The following NUP210L variants were observed in gnomAD, a reference collection of about 807,000 sequenced individuals.
The protein encoded by NUP210L is nucleoporin 210 like, also known as nuclear pore membrane glycoprotein 210-like.
A neutral mutation model predicts 208.5 loss-of-function variants in NUP210L; 74 were observed. That is an observed-to-expected ratio of 0.35 (90% confidence interval 0.29 to 0.43). NUP210L has a LOEUF of 0.43. NUP210L is among the 20% of genes least tolerant of loss of function. The probability of loss-of-function intolerance (pLI) is 1.00; values close to 1 mark genes in which losing one functional copy is unlikely to be tolerated. For missense variants in NUP210L, 1,843 were observed against 2,289.4 expected (o/e 0.81, Z 3.98); for synonymous variants, 780 against 816.9 (o/e 0.95, Z 0.77).
intron 7 of NUP210L, among the ~76,000 whole-genome samples, chr1:154,130,576 A>ATTTTTT (rs765115829): frequency 2.0e-5 from 2 of 98,962 alleles, no homozygotes; most frequent in Admixed American, 1.3e-4. Flanking sequence ...CCTGGCCCCA[A>ATTTTTT]TTTTTTTTTT....
rs373735647 is a variant in NUP210L, at chr1:154,089,843, T to A, written c.2188-249A>T. On this transcript the variant is annotated intron_variant, in intron 15 of 39. Coordinates refer to ENST00000368559, the Ensembl canonical transcript of NUP210L. ...GGTCAGGCACAGTGGCTCATGCCTA[T>A]AATCCCAGCACTTTGGGAGGATCAC... 3.0e-4 allele frequency among the ~76,000 whole-genome samples: 45 copies of A among 152,222 alleles called. No individual in the cohort carries two copies. The South Asian group carries it at 3.9e-3, about 13-fold the overall frequency.
At chr1:154,015,440 G>T (rs1003452341) in intron 33 of NUP210L, among the ~76,000 whole-genome samples, 2 of 152,002 alleles carry the variant, frequency 1.3e-5, no homozygotes, top group African/African-American at 4.8e-5. Flanking sequence ...CAAAAAATTG[G>T]CTGGGCACAG....
chr1:154,102,545 G>A (rs979849673), intron 13 of NUP210L, among the ~76,000 whole-genome samples: 4 of 152,100 alleles, frequency 2.6e-5, no homozygotes, highest in African/African-American at 7.2e-5. Flanking sequence ...GTAGTATAAT[G>A]AGCAAGGGCA....
chr1:154,058,282 A>G, intron 21 of NUP210L, 66 bp from the exon 22 acceptor site: 1 of 1,544,824 alleles, frequency 6.5e-7, no homozygotes. Context: ...TCTAACTCTT[A>G]GAGGGCAGTG....
At chr1:154,147,559 G>A (rs570401239) in intron 2 of NUP210L, among the ~76,000 whole-genome samples, 1 of 149,888 alleles carries the variant, frequency 6.7e-6, no homozygotes, top group South Asian at 2.1e-4. Flanking sequence ...GCCCAGGCTG[G>A]TCTTGAACTC....
Position 154,060,984 on chromosome 1 carries a change from TAC to T in NUP210L, c.2704_2705del (p.Val902SerfsTer3). ...TATAGATGGTGGCATTCTCAGGCAC[TAC>T]AGTTACATCATCTACCAGGAGCAGT... On this transcript the variant is annotated frameshift_variant, in exon 19 of 40. Coordinates refer to ENST00000368559, the Ensembl canonical transcript of NUP210L. LOFTEE classifies it high-confidence loss of function. The T allele has an allele frequency of 1.9e-6, 3 of 1,613,844 alleles. No homozygotes were observed. The highest frequency in any genetic ancestry group is 2.5e-6 in the Non-Finnish European group (3 of 1,179,748).
intron 25 of NUP210L, 49 bp from the exon 26 acceptor site, chr1:154,046,418 G>A (rs538602147): frequency 2.5e-5 from 36 of 1,457,742 alleles, no homozygotes; most frequent in Non-Finnish European, 3.4e-5. Context: ...GAGTTTCTGT[G>A]GGGTGGACAG....
At chr1:154,044,055 A>T (rs989952806) in intron 27 of NUP210L, among the ~76,000 whole-genome samples, 2 of 152,236 alleles carry the variant, frequency 1.3e-5, no homozygotes, top group East Asian at 3.9e-4. Flanking sequence ...AGGGAGAAGT[A>T]GAATAGAGGC....
intron 27 of NUP210L, among the ~76,000 whole-genome samples, chr1:154,044,022 T>G (rs1653036926): frequency 2.0e-5 from 3 of 152,080 alleles, no homozygotes; most frequent in African/African-American, 7.2e-5. Flanking sequence ...AGAGTGATGC[T>G]TTACATAAAA....
chr1:154,147,464 A>C (rs1659175271), intron 2 of NUP210L, among the ~76,000 whole-genome samples: 1 of 151,604 alleles, frequency 6.6e-6, no homozygotes, highest in African/African-American at 2.4e-5. Context: ...TGGCCTCCTG[A>C]GTAGCTGGGG....
chr1:154,025,502 TTTTA>T, intron 30 of NUP210L, 36 bp downstream of exon 30: 1 of 1,398,984 alleles, frequency 7.1e-7, no homozygotes, highest in Non-Finnish European at 9.5e-7. Flanking sequence ...AGGGTATGAC[TTTTA>T]TTTATTTGTT....
intron 10 of NUP210L, among the ~76,000 whole-genome samples, chr1:154,119,486 GCT>G (rs1657500415): frequency 6.6e-6 from 1 of 152,256 alleles, no homozygotes; most frequent in South Asian, 2.1e-4. Context: ...TACTTGGGAG[GCT>G]GAGACAGGAG....
chr1:154,122,220 C>A (rs943479725), intron 10 of NUP210L, among the ~76,000 whole-genome samples: 2 of 36,554 alleles, frequency 5.5e-5, no homozygotes, highest in African/African-American at 9.4e-5. Context: ...ATACAAACTA[C>A]CAAATAACAT....
At chr1:154,036,715 G>T (rs1652577200) in intron 27 of NUP210L, among the ~76,000 whole-genome samples, 1 of 151,926 alleles carries the variant, frequency 6.6e-6, no homozygotes, top group South Asian at 2.1e-4. Flanking sequence ...GCTCAGGCTG[G>T]AGTGCAGGGG....
At chr1:154,058,289 A>G in intron 21 of NUP210L, 73 bp from the exon 22 acceptor site, 1 of 1,504,662 alleles carries the variant, frequency 6.6e-7, no homozygotes, top group Non-Finnish European at 9.1e-7. Flanking sequence ...CTTAGAGGGC[A>G]GTGTACTTTT....
At position 154,023,087 on chromosome 1, in the gene NUP210L, C is replaced by T. The variant is rs770319168; in HGVS notation, c.4298+35G>A. ...ACTAGCCTAATATGCAAGATTTCTA[C>T]CATAGTGTCAATACCATTCCTTTGA... On this transcript the variant is annotated intron_variant, in intron 31 of 39. Transcript: ENST00000368559. 12 of 1,572,970 alleles carry T rather than the reference C, an allele frequency of 7.6e-6. No homozygotes were observed. In the South Asian group the frequency reaches 1.0e-4, roughly 13 times the overall value.
intron 35 of NUP210L, 113 bp from the exon 36 acceptor site, chr1:154,002,098 G>A: frequency 8.9e-7 from 1 of 1,125,218 alleles, no homozygotes; most frequent in Non-Finnish European, 1.3e-6. Context: ...AAGAGAAAAT[G>A]TGAATTTAGT....
chr1:154,139,683 C>CAAAAA, intron 5 of NUP210L, 119 bp downstream of exon 5: 1 of 761,320 alleles, frequency 1.3e-6, no homozygotes, highest in East Asian at 2.9e-5. Context: ...AACAAACAAA[C>CAAAAA]AAACAAAAAA....
intron 10 of NUP210L, among the ~76,000 whole-genome samples, chr1:154,121,771 G>A (rs1380573939): frequency 6.6e-6 from 1 of 151,946 alleles, no homozygotes; most frequent in South Asian, 2.1e-4. Context: ...GGAGGCTGAG[G>A]CAGGAGAATC....
Sources: gnomAD v4.1 joint callset for allele counts (sites outside exome capture counted in the v4.1 genomes callset) on GRCh38, gnomAD v4.1.1 for gene constraint, MANE v1.5 for transcripts, NCBI Gene and HGNC (gene_info 2026-07-23, HGNC 2026-07-21) for gene names.